Variants in HDAC9 observed in about 807,000 individuals in gnomAD.
HDAC9 encodes the protein MEF-2 interacting transcription repressor (MITR) protein.
Under a neutral mutation model 139.4 loss-of-function variants are expected in HDAC9, and 41 were observed. The ratio of observed to expected loss-of-function variants is 0.29; its 90% CI spans 0.23 to 0.38. The LOEUF (loss-of-function observed/expected upper bound fraction) is 0.38. HDAC9 is among the 10% of genes least tolerant of loss of function. HDAC9 has a pLI of 1.00. For missense variants in HDAC9, 1,147 were observed against 1,297.0 expected, an observed-to-expected ratio of 0.88 and a Z score of 1.78; for synonymous variants, 517 against 476.2, an observed-to-expected ratio of 1.09 and a Z score of -1.12.
At position 18,944,429 on chromosome 7, in the gene HDAC9, T is replaced by A. The variant is rs984724124; in HGVS notation, c.2937+8487T>A. Among the ~76,000 whole-genome samples the A allele has an allele frequency of 7.7e-4, 117 of 152,328 alleles. 1 individual carries two copies. The highest frequency in any genetic ancestry group is 7.7e-3 in the Admixed American group (117 of 15,294). ...TTATGCAAAATATATAATCTCACTTTGTTTCCTGGAAGGACAGTAATACAG... is the reference window on the plus strand; with the variant it reads ...TTATGCAAAATATATAATCTCACTTAGTTTCCTGGAAGGACAGTAATACAG... On this transcript the variant is annotated intron_variant, in intron 23 of 25. Transcript: ENST00000686413.
chr7:18,866,500 A>G (rs1476879807), intron 21 of HDAC9, among the ~76,000 whole-genome samples: 1 of 152,024 alleles, frequency 6.6e-6, no homozygotes, highest in Non-Finnish European at 1.5e-5. Context: ...CCCTCAGTAC[A>G]CTGTGTGTGC....
At chr7:18,875,091 T>C (rs1799221383) in intron 22 of HDAC9, among the ~76,000 whole-genome samples, 1 of 152,188 alleles carries the variant, frequency 6.6e-6, no homozygotes, top group South Asian at 2.1e-4. Flanking sequence ...TAATCTCTAC[T>C]CGTCTTCTGT....
chr7:18,827,095 A>AG (rs1481404064), intron 17 of HDAC9, among the ~76,000 whole-genome samples: 1 of 148,932 alleles, frequency 6.7e-6, no homozygotes, highest in Non-Finnish European at 1.5e-5. Context: ...TCAAAAAAAA[A>AG]CTATATATAT....
At chr7:18,905,530 A>G (rs1802155730) in intron 22 of HDAC9, among the ~76,000 whole-genome samples, 1 of 152,182 alleles carries the variant, frequency 6.6e-6, no homozygotes, top group Non-Finnish European at 1.5e-5. Flanking sequence ...TAATAACTTT[A>G]TGTTAAAGAT....
chr7:18,250,268 G>C (rs1024023284), intron 2 of HDAC9, among the ~76,000 whole-genome samples: 3 of 152,144 alleles, frequency 2.0e-5, no homozygotes, highest in Admixed American at 2.0e-4. Flanking sequence ...TGATTATTTT[G>C]CCCCTCACAG....
intron 22 of HDAC9, chr7:18,906,967 G>A (rs949594503): frequency 6.6e-6 from 1 of 152,186 alleles, no homozygotes; most frequent in African/African-American, 2.4e-5. Flanking sequence ...ACAACAGTTT[G>A]GAAGTATACT....
chr7:18,290,293 CGTTCAGTA>C, upstream of HDAC9: 1 of 353,332 alleles, frequency 2.8e-6, no homozygotes, highest in East Asian at 7.3e-5. Context: ...TTTATAAAGT[CGTTCAGTA>C]GCAGGGCAAT....
At chr7:18,640,467 G>A (rs1785246792) in intron 8 of HDAC9, among the ~76,000 whole-genome samples, 1 of 147,444 alleles carries the variant, frequency 6.8e-6, no homozygotes, top group Non-Finnish European at 1.5e-5. Flanking sequence ...GTCTTCTTAA[G>A]AGTAAGAAAA....
At chr7:18,491,222 A>G (rs560917551), upstream of HDAC9, among the ~76,000 whole-genome samples, 26 of 152,102 alleles carry the variant, frequency 1.7e-4, no homozygotes, top group African/African-American at 5.8e-4. Context: ...AACATTCTTT[A>G]TATTTATTTA....
Position 18,869,826 on chromosome 7 carries a change from C to A in HDAC9, c.2685-4652C>A, listed in dbSNP as rs117955440. Among the ~76,000 whole-genome samples the A allele has an allele frequency of 9.9e-3, 1,508 of 151,774 alleles. 13 individuals are homozygous for A. The highest frequency in any genetic ancestry group is 0.015 in the Non-Finnish European group (1,039 of 67,946). On this transcript the variant is annotated intron_variant, in intron 21 of 25. Transcript: ENST00000686413. ...CTCAATTGGATGGAGTGTCTCTCAT[C>A]TCTTCTGTGGTCCCATGAACGCATA...
At chr7:18,554,088 A>G (rs1018343483) in intron 2 of HDAC9, among the ~76,000 whole-genome samples, 2 of 152,192 alleles carry the variant, frequency 1.3e-5, no homozygotes, top group Non-Finnish European at 2.9e-5. Flanking sequence ...AGTAAAAAAT[A>G]AGTCCATATA....
chr7:18,288,227 A>C (rs1797580357), upstream of HDAC9, among the ~76,000 whole-genome samples: 1 of 152,088 alleles, frequency 6.6e-6, no homozygotes, highest in Non-Finnish European at 1.5e-5. Flanking sequence ...CAAAATTAAC[A>C]CTCCTTTAAC....
At chr7:18,502,568 A>G (rs1196907092) in intron 2 of HDAC9, 3 of 152,206 alleles carry the variant, frequency 2.0e-5, no homozygotes, top group Admixed American at 1.3e-4. Context: ...TATGTTTATA[A>G]TTTCCCTTTC....
At position 18,891,251 on chromosome 7, in the gene HDAC9, T is replaced by C. The variant is rs114313998; in HGVS notation, c.2803+16655T>C. ...ATAAAGTGAGTCCCTAAAACCACTT[T>C]GTCGCCCAAGTAGCCAGCAGAGGGA... On this transcript the variant is annotated intron_variant, in intron 22 of 25. Transcript: ENST00000686413. Among the ~76,000 whole-genome samples, 915 of 152,312 alleles carry C rather than the reference T, an allele frequency of 6.0e-3. 5 individuals carry two copies. Among genetic ancestry groups the C allele is most frequent in the African/African-American group, 0.021 (871 of 41,560 alleles).
chr7:18,991,259 TGAAA>T (rs1341607172), intron 25 of HDAC9, among the ~76,000 whole-genome samples: 2 of 151,952 alleles, frequency 1.3e-5, no homozygotes, highest in African/African-American at 2.4e-5. Flanking sequence ...AATGAGGAAA[TGAAA>T]GAACATAAAA....
At chr7:18,903,205 C>G (rs1452210308) in intron 22 of HDAC9, among the ~76,000 whole-genome samples, 19 of 152,176 alleles carry the variant, frequency 1.2e-4, no homozygotes, top group Admixed American at 1.0e-3. Flanking sequence ...CTAAATAAAC[C>G]TGCATTTGGG....
rs140516218 is a variant in HDAC9 at position 18,814,718 on chromosome 7, C to T, written c.2323-14443C>T. 4.3e-3 allele frequency among the ~76,000 whole-genome samples: 647 copies of T among 152,162 alleles called. 7 individuals are homozygous for T. Among genetic ancestry groups the T allele is most frequent in the African/African-American group, 0.014 (601 of 41,524 alleles). On this transcript the variant is annotated intron_variant, in intron 17 of 25. Coordinates refer to ENST00000686413, the MANE Select transcript of HDAC9 (RefSeq NM_178425.4). ...GTGGTCAAAATTTGTATTCAATTGC[C>T]TAGTTTTTACTAAATTGATCACATT... is the stretch of plus-strand genomic sequence containing the variant.
chr7:18,142,611 A>T (rs925406757), intron 1 of HDAC9, among the ~76,000 whole-genome samples: 1 of 152,188 alleles, frequency 6.6e-6, no homozygotes, highest in Admixed American at 6.5e-5. Flanking sequence ...CTCTGCTTTA[A>T]TCAGAGGGAC....
chr7:18,547,806 C>CCTTTCCTTCCTT lies in HDAC9; in HGVS notation c.23-37474_23-37473insTTTCCTTCCTTC. Among the ~76,000 whole-genome samples, 3 of 68,066 alleles carry CCTTTCCTTCCTT rather than the reference C, an allele frequency of 4.4e-5. No individual in the cohort carries two copies. In the South Asian group the frequency reaches 2.5e-3, roughly 56 times the overall value. The allele number at this position is 68,066 out of a possible 152,430, so 44.7% of individuals were successfully genotyped here. A position where few individuals can be genotyped will look rare whatever the true frequency, so the allele number is the denominator to read the frequency against. On this transcript the variant is annotated intron_variant, in intron 2 of 25. Coordinates refer to ENST00000686413, the MANE Select transcript of HDAC9 (RefSeq NM_178425.4). ...AGGAGTAGATTCCATTTCAAGAAACCCCTTCCTTCCTTCCTTCCTTCCTTC... is the reference window on the plus strand; with the variant it reads ...AGGAGTAGATTCCATTTCAAGAAACCCTTTCCTTCCTTCCTTCCTTCCTTCCTTCCTTCCTTC...
Sources: gnomAD v4.1 joint callset for allele counts (sites outside exome capture counted in the v4.1 genomes callset) on GRCh38, gnomAD v4.1.1 for gene constraint, MANE v1.5 for transcripts, NCBI Gene and HGNC (gene_info 2026-07-23, HGNC 2026-07-21) for gene names.